CTNNA3: variants seen among roughly 807,000 people sequenced by gnomAD.
CTNNA3 encodes the protein catenin alpha 3.
Under a neutral mutation model 95.7 loss-of-function variants are expected in CTNNA3, and 76 were observed. The observed-to-expected ratio is 0.79, with a 90% CI of 0.66 to 0.96. The LOEUF is 0.96. Among genes scored for constraint, CTNNA3 ranks in the 40% least tolerant of loss-of-function variants. The probability of loss-of-function intolerance (pLI) is 0.00; values close to 1 mark genes in which losing one functional copy is unlikely to be tolerated. For synonymous variants in CTNNA3, 431 were observed against 374.4 expected, an observed-to-expected ratio of 1.15 and a Z score of -1.74; for missense variants, 1,191 against 1,089.8, an observed-to-expected ratio of 1.09 and a Z score of -1.31.
chr10:67,234,200 G>C (rs1865351254), intron 5 of CTNNA3, among the ~76,000 whole-genome samples: 1 of 152,150 alleles, frequency 6.6e-6, no homozygotes, highest in African/African-American at 2.4e-5. Flanking sequence ...GCCGGGCAGA[G>C]ACACAACCAA....
chr10:66,058,737 G>T (rs1589306019), intron 15 of CTNNA3, among the ~76,000 whole-genome samples: 1 of 152,092 alleles, frequency 6.6e-6, no homozygotes, highest in South Asian at 2.1e-4. Context: ...TTGCAGACAA[G>T]TTGGCTTAGT....
At chr10:67,607,593 T>C (rs995301444) in intron 2 of CTNNA3, among the ~76,000 whole-genome samples, 2 of 151,982 alleles carry the variant, frequency 1.3e-5, no homozygotes, top group Non-Finnish European at 2.9e-5. Flanking sequence ...TGAAAAAAAA[T>C]CTGATTAAAA....
At chr10:67,474,073 T>C (rs1564675191) in intron 5 of CTNNA3, among the ~76,000 whole-genome samples, 2 of 152,198 alleles carry the variant, frequency 1.3e-5, no homozygotes, top group Non-Finnish European at 2.9e-5. Flanking sequence ...CCTTGGAATA[T>C]AGCAATCTGT....
At chr10:67,554,223 T>C (rs1841145826) in intron 3 of CTNNA3, among the ~76,000 whole-genome samples, 1 of 152,210 alleles carries the variant, frequency 6.6e-6, no homozygotes, top group Non-Finnish European at 1.5e-5. Context: ...TAAACATACG[T>C]GTGCATGTGT....
At chr10:66,743,139 T>C (rs948057713) in intron 9 of CTNNA3, among the ~76,000 whole-genome samples, 3 of 152,148 alleles carry the variant, frequency 2.0e-5, no homozygotes, top group African/African-American at 7.2e-5. Flanking sequence ...CCAACATGAC[T>C]GGCTGACCCC....
intron 14 of CTNNA3, 31 bp from the exon 15 acceptor site, chr10:66,069,520 A>C: frequency 6.5e-7 from 1 of 1,535,896 alleles, no homozygotes; most frequent in South Asian, 1.2e-5. Flanking sequence ...AGTTAAAATC[A>C]TTCCACTATG....
At chr10:67,592,927 C>T (rs1842831101) in intron 3 of CTNNA3, among the ~76,000 whole-genome samples, 1 of 152,156 alleles carries the variant, frequency 6.6e-6, no homozygotes. Context: ...AGGTAGTAAG[C>T]ACAGTACCTG....
At chr10:66,977,155 T>C (rs966061052) in intron 7 of CTNNA3, among the ~76,000 whole-genome samples, 3 of 151,916 alleles carry the variant, frequency 2.0e-5, no homozygotes, top group African/African-American at 7.3e-5. Context: ...TATATAAAGG[T>C]TGGCCGGGCA....
chr10:66,522,099 AT>A (rs954432271), intron 10 of CTNNA3, among the ~76,000 whole-genome samples: 6 of 152,058 alleles, frequency 3.9e-5, no homozygotes, highest in South Asian at 2.1e-4. Flanking sequence ...ATAATATAAT[AT>A]TTTTTTAATC....
At chr10:66,340,808 GA>G (rs957576978) in intron 12 of CTNNA3, among the ~76,000 whole-genome samples, 14 of 151,280 alleles carry the variant, frequency 9.3e-5, no homozygotes, top group African/African-American at 3.4e-4. Context: ...AAAATGTGGC[GA>G]AAAAAAGGTG....
At chr10:66,786,308 T>C (rs1242286494) in intron 7 of CTNNA3, among the ~76,000 whole-genome samples, 1 of 152,158 alleles carries the variant, frequency 6.6e-6, no homozygotes, top group African/African-American at 2.4e-5. Context: ...AGCAAGTTTA[T>C]GGGAAAAGTC....
intron 7 of CTNNA3, among the ~76,000 whole-genome samples, chr10:67,106,624 C>T (rs10997512): frequency 0.12 from 17,769 of 152,016 alleles, 1,302 homozygotes; most frequent in African/African-American, 0.21. Flanking sequence ...AGATAAGAAA[C>T]GGATGCACAA....
intron 7 of CTNNA3, among the ~76,000 whole-genome samples, chr10:66,864,631 C>T (rs1172043808): frequency 3.3e-5 from 5 of 151,978 alleles, no homozygotes; most frequent in African/African-American, 1.2e-4. Flanking sequence ...GCTAGTCATC[C>T]CTATTTTCTA....
intron 7 of CTNNA3, among the ~76,000 whole-genome samples, chr10:67,047,236 T>C (rs762733818): frequency 6.6e-6 from 1 of 152,170 alleles, no homozygotes; most frequent in South Asian, 2.1e-4. Flanking sequence ...GTGGAGTCTC[T>C]AGATGTGTAA....
At chr10:67,412,204 C>T (rs1251548722) in intron 5 of CTNNA3, among the ~76,000 whole-genome samples, 1 of 152,106 alleles carries the variant, frequency 6.6e-6, no homozygotes, top group Non-Finnish European at 1.5e-5. Flanking sequence ...TATATTACAA[C>T]ACTTTTCTGA....
chr10:66,685,349 ATATT>A (rs1847251487), intron 9 of CTNNA3, among the ~76,000 whole-genome samples: 2 of 41,042 alleles, frequency 4.9e-5, no homozygotes, highest in Non-Finnish European at 7.7e-5. Flanking sequence ...ATATATATAT[ATATT>A]TTTTTTTTTT....
rs151121819 is a variant in CTNNA3 at position 66,455,380 on chromosome 10, G to A, written c.1531+65237C>T. Among the ~76,000 whole-genome samples, 677 of 152,132 alleles carry A rather than the reference G, an allele frequency of 4.5e-3. 2 individuals are homozygous for A. The highest frequency in any genetic ancestry group is 6.7e-3 in the Non-Finnish European group (455 of 68,020). ...ATCCCAAGAAATCCACAAAAGACTC[G>A]TCAACCCAATGGAGTGCAGCAAGGT... On this transcript the variant is annotated intron_variant, in intron 11 of 17. Coordinates refer to ENST00000433211, the MANE Select transcript of CTNNA3 (RefSeq NM_013266.4).
chr10:66,261,272 C>T (rs2090989224), intron 13 of CTNNA3, among the ~76,000 whole-genome samples: 1 of 152,026 alleles, frequency 6.6e-6, no homozygotes, highest in African/African-American at 2.4e-5. Flanking sequence ...AAATTCAGTA[C>T]ATTTAAATTA....
rs139401503 is a variant in CTNNA3 at position 66,728,345 on chromosome 10, G to C, written c.1281+37919C>G. ...CTGGATATTAGACCTTTGTCAGATG[G>C]ATAGATTGTAAAAACTTTCTCCCAT... On this transcript the variant is annotated intron_variant, in intron 9 of 17. Transcript: ENST00000433211. Among the ~76,000 whole-genome samples, 615 of 152,218 alleles carry C rather than the reference G, an allele frequency of 4.0e-3. 4 individuals are homozygous for C. Among genetic ancestry groups the C allele is most frequent in the African/African-American group, 0.014 (602 of 41,524 alleles).
Sources: allele counts gnomAD v4.1 joint callset (sites outside exome capture counted in the v4.1 genomes callset), GRCh38; gene constraint gnomAD v4.1.1; transcripts MANE v1.5; gene names NCBI Gene and HGNC (gene_info 2026-07-23, HGNC 2026-07-21).